Variants in POLR2B observed in about 807,000 individuals in gnomAD.
The protein encoded by POLR2B is RNA polymerase II subunit B.
POLR2B carries 57 observed loss-of-function variants against 144.6 expected under a neutral mutation model. The ratio of observed to expected loss-of-function variants is 0.39; its 90% confidence interval spans 0.32 to 0.49. POLR2B has a LOEUF of 0.49. Among genes scored for constraint, POLR2B ranks in the 20% least tolerant of loss-of-function variants. POLR2B has a pLI of 0.83. For missense variants in POLR2B, 595 were observed against 1,467.4 expected (o/e 0.41, Z 9.71); for synonymous variants, 442 against 469.8 (o/e 0.94, Z 0.77).
At chr4:56,986,607 A>G in intron 2 of POLR2B, 181 bp downstream of exon 2, 1 of 456,308 alleles carries the variant, frequency 2.2e-6, no homozygotes, top group East Asian at 3.6e-5. Context: ...AATCATTTTA[A>G]CCAGATTCCG....
At chr4:57,014,324 G>A (rs1424675395) in intron 13 of POLR2B, among the ~76,000 whole-genome samples, 1 of 149,718 alleles carries the variant, frequency 6.7e-6, no homozygotes, top group Non-Finnish European at 1.5e-5. Flanking sequence ...CTCCTGAGGG[G>A]CTGGGATTAC....
rs376408566 is a variant in POLR2B at position 57,017,527 on chromosome 4, T to C, written c.2155-33T>C. On this transcript the variant is annotated intron_variant, in intron 15 of 24. Transcript: ENST00000314595. This position sits in a 1 kb window ranked among gnomAD's most constrained non-coding sequence, Gnocchi z 4.8. ...TCTTTTCCATTAGTGATAGTAACTTTTTGTTGTTTCTGCTTTTCATTTTTA... is the reference window on the plus strand; with the variant it reads ...TCTTTTCCATTAGTGATAGTAACTTCTTGTTGTTTCTGCTTTTCATTTTTA... 1.3e-6 allele frequency: 2 copies of C among 1,535,362 alleles called. No homozygotes were observed. Among genetic ancestry groups the C allele is most frequent in the African/African-American group, 1.4e-5 (1 of 72,102 alleles).
intron 7 of POLR2B, among the ~76,000 whole-genome samples, chr4:57,000,670 T>C (rs1428266694): frequency 1.3e-5 from 2 of 152,070 alleles, no homozygotes; most frequent in Non-Finnish European, 2.9e-5. Context: ...ATCATTTAAA[T>C]TAGAACATTT....
chr4:57,018,610 A>G (rs969402917), intron 16 of POLR2B, among the ~76,000 whole-genome samples: 3 of 152,226 alleles, frequency 2.0e-5, no homozygotes, highest in Non-Finnish European at 4.4e-5. Flanking sequence ...TTAGTGTCTT[A>G]GTGTCAGAAC....
intron 7 of POLR2B, among the ~76,000 whole-genome samples, chr4:57,004,653 T>A (rs1365676204): frequency 6.6e-6 from 1 of 152,200 alleles, no homozygotes; most frequent in Non-Finnish European, 1.5e-5. Flanking sequence ...GGAACTTTAT[T>A]TTTCCATTGG....
chr4:57,000,876 A>C (rs1722831258), intron 7 of POLR2B, among the ~76,000 whole-genome samples: 1 of 151,936 alleles, frequency 6.6e-6, no homozygotes, highest in Admixed American at 6.6e-5. Context: ...TTGTATTTTT[A>C]GTAGAGACGG....
intron 9 of POLR2B, 133 bp downstream of exon 9, chr4:57,005,852 C>A: frequency 1.3e-6 from 1 of 749,486 alleles, no homozygotes; most frequent in Non-Finnish European, 2.1e-6. Flanking sequence ...ATTCTTATTG[C>A]TATTTGCTCA....
At chr4:56,991,879 A>T (rs1722518006) in intron 3 of POLR2B, among the ~76,000 whole-genome samples, 1 of 152,034 alleles carries the variant, frequency 6.6e-6, no homozygotes, top group South Asian at 2.1e-4. Context: ...GCCGATCTCC[A>T]ACTCCTGACC....
At chr4:56,979,169 C>T (rs924265701) in intron 1 of POLR2B, among the ~76,000 whole-genome samples, 165 bp downstream of exon 1, 4 of 152,094 alleles carry the variant, frequency 2.6e-5, no homozygotes, top group African/African-American at 4.8e-5. Context: ...TAGGGAGAGG[C>T]GGAGGGTGCA....
At chr4:56,987,010 A>G (rs1035630029) in intron 2 of POLR2B, among the ~76,000 whole-genome samples, 5 of 152,156 alleles carry the variant, frequency 3.3e-5, no homozygotes, top group Admixed American at 3.3e-4. Flanking sequence ...TTAATCTGGA[A>G]CAGTTCCTCA....
chr4:57,000,024 A>G (rs897507506), intron 7 of POLR2B, among the ~76,000 whole-genome samples: 1 of 152,250 alleles, frequency 6.6e-6, no homozygotes, highest in Non-Finnish European at 1.5e-5. Flanking sequence ...AAGAAGAAAC[A>G]TTGGTAAGGA....
chr4:56,979,030 C>T (rs1213475250), intron 1 of POLR2B, 26 bp downstream of exon 1: 3 of 1,610,954 alleles, frequency 1.9e-6, no homozygotes, highest in Non-Finnish European at 2.5e-6. Context: ...AAACACACGC[C>T]GTGGCGGTCC....
In POLR2B at chr4:56,985,762, C is replaced by T. The variant is rs560348762; in HGVS notation, c.20-592C>T. Among the ~76,000 whole-genome samples, 34 of 152,278 alleles carry T rather than the reference C, an allele frequency of 2.2e-4. No individual in the cohort carries two copies. The South Asian group carries it at 6.0e-3, about 27-fold the overall frequency. On this transcript the variant is annotated intron_variant, in intron 1 of 24. Transcript: ENST00000314595. ...GCAAACATGACAGAAACTTCATTGC[C>T]TTTTCTGACCTGGCTTCTGAAGTCA... is the stretch of plus-strand genomic sequence containing the variant.
At chr4:56,980,614 T>TG (rs1033912184) in intron 1 of POLR2B, among the ~76,000 whole-genome samples, 2 of 152,024 alleles carry the variant, frequency 1.3e-5, no homozygotes. Flanking sequence ...CAGCTACTTG[T>TG]GGGGCTGAGG....
rs371881930 is a variant in POLR2B at position 57,005,580 on chromosome 4, TTC to T, written c.1098-18_1098-17del. On this transcript the variant is annotated intron_variant, in intron 8 of 24. Transcript: ENST00000314595. Reference sequence around the variant, plus strand: ...CTAAGTGTTTTCCCTCTTTCTTTCTTTCTTTTTTTTTTTTTAAAGATACATGG... The same window carrying T: ...CTAAGTGTTTTCCCTCTTTCTTTCTTTTTTTTTTTTTTTAAAGATACATGG... 122 of 1,505,078 alleles carry T rather than the reference TTC, an allele frequency of 8.1e-5. No individual in the cohort carries two copies. In the African/African-American group the frequency reaches 1.8e-3, roughly 22 times the overall value. The allele number at this position is 1,505,078 out of a possible 1,614,324, so 93.2% of individuals were successfully genotyped here.
chr4:56,990,254 G>T (rs1722473071), intron 2 of POLR2B, among the ~76,000 whole-genome samples: 1 of 151,882 alleles, frequency 6.6e-6, no homozygotes, highest in South Asian at 2.1e-4. Flanking sequence ...TTGAGATAGG[G>T]TTTCGCTGTC....
At chr4:57,006,173 T>TA (rs1560478247) in intron 9 of POLR2B, among the ~76,000 whole-genome samples, 1 of 152,256 alleles carries the variant, frequency 6.6e-6, no homozygotes, top group Non-Finnish European at 1.5e-5. Context: ...AAGTTATTTT[T>TA]AAAAATGAAA....
intron 13 of POLR2B, among the ~76,000 whole-genome samples, chr4:57,014,383 A>T (rs1560481371): frequency 6.6e-6 from 1 of 151,932 alleles, no homozygotes; most frequent in Non-Finnish European, 1.5e-5. Flanking sequence ...TAGTAGAGAC[A>T]GGGTTTCACC....
At chr4:57,030,561 A>G (rs557376886) in intron 24 of POLR2B, among the ~76,000 whole-genome samples, 162 bp downstream of exon 24, 1 of 152,312 alleles carries the variant, frequency 6.6e-6, no homozygotes, top group African/African-American at 2.4e-5. Flanking sequence ...AGATAATTTG[A>G]TTTTTCTAAA....
Sources: gnomAD v4.1 joint callset for allele counts (sites outside exome capture counted in the v4.1 genomes callset) on GRCh38, gnomAD v4.1.1 for gene constraint, Gnocchi (gnomAD v3.1) non-coding constraint, MANE v1.5 for transcripts, NCBI Gene and HGNC (gene_info 2026-07-23, HGNC 2026-07-21) for gene names.